The following CNTNAP2 variants were observed in gnomAD, a reference collection of about 807,000 sequenced individuals.
CNTNAP2 encodes contactin associated protein 2.
A neutral mutation model predicts 155.2 loss-of-function variants in CNTNAP2; 98 were observed. That is an observed-to-expected ratio of 0.63 (90% confidence interval 0.54 to 0.75). CNTNAP2 has a LOEUF of 0.75. CNTNAP2 is among the 30% of genes least tolerant of loss of function. The pLI, the probability that CNTNAP2 is intolerant of heterozygous loss-of-function variation, is 0.00. For missense variants in CNTNAP2, 1,727 were observed against 1,688.1 expected (o/e 1.02, Z -0.40); for synonymous variants, 651 against 631.2 (o/e 1.03, Z -0.47).
intron 1 of CNTNAP2, among the ~76,000 whole-genome samples, chr7:146,449,992 C>A (rs1184521586): frequency 6.6e-6 from 1 of 152,156 alleles, no homozygotes; most frequent in African/African-American, 2.4e-5. Context: ...CTATACAGAA[C>A]ACAATTTTAA....
At position 148,212,438 on chromosome 7, in the gene CNTNAP2, T is replaced by C. The variant is rs80304046; in HGVS notation, c.3011-4850T>C. Among the ~76,000 whole-genome samples, 723 of 152,300 alleles carry C rather than the reference T, an allele frequency of 4.7e-3. 24 individuals carry two copies. In the East Asian group the frequency reaches 0.1, roughly 21 times the overall value. ...ATGATATAATTAAGCAAATCCTTTT[T>C]ATATCATAGAATATCTAAATACAGA... is the stretch of plus-strand genomic sequence containing the variant. On this transcript the variant is annotated intron_variant, in intron 18 of 23. Transcript: ENST00000361727.
chr7:147,979,293 CT>C (rs1801483263), intron 15 of CNTNAP2, among the ~76,000 whole-genome samples: 1 of 151,802 alleles, frequency 6.6e-6, no homozygotes, highest in Admixed American at 6.6e-5. Flanking sequence ...CTTAGTAAAA[CT>C]GTGCAGAAGA....
At chr7:147,833,745 A>G (rs969799921) in intron 13 of CNTNAP2, among the ~76,000 whole-genome samples, 1 of 152,196 alleles carries the variant, frequency 6.6e-6, no homozygotes, top group Non-Finnish European at 1.5e-5. Flanking sequence ...AATCTCCCAC[A>G]GGAGTTTCTT....
At chr7:147,824,523 A>G (rs1037088966) in intron 13 of CNTNAP2, among the ~76,000 whole-genome samples, 3 of 152,174 alleles carry the variant, frequency 2.0e-5, no homozygotes, top group Non-Finnish European at 2.9e-5. Context: ...GGTACCTATC[A>G]TTAAATCTCA....
intron 14 of CNTNAP2, among the ~76,000 whole-genome samples, chr7:147,958,183 A>G (rs544343648): frequency 2.0e-5 from 2 of 98,900 alleles, no homozygotes; most frequent in African/African-American, 6.2e-5. Context: ...TTTGAATTAA[A>G]TTATCTAGAA....
At chr7:146,922,983 A>C (rs10270016) in intron 3 of CNTNAP2, among the ~76,000 whole-genome samples, 6,522 of 152,262 alleles carry the variant, frequency 0.043, 152 homozygotes, top group South Asian at 0.079. Context: ...ACATAAGGGA[A>C]AAATGTTTTC....
At chr7:147,398,212 T>A (rs1416109455) in intron 10 of CNTNAP2, among the ~76,000 whole-genome samples, 1 of 152,018 alleles carries the variant, frequency 6.6e-6, no homozygotes, top group Admixed American at 6.6e-5. Flanking sequence ...CAGTGATGTA[T>A]CCAGATAATC....
intron 1 of CNTNAP2, among the ~76,000 whole-genome samples, chr7:146,551,879 A>T (rs1798127933): frequency 6.6e-6 from 1 of 151,878 alleles, no homozygotes; most frequent in Non-Finnish European, 1.5e-5. Context: ...AGAGAACGAG[A>T]CTGCATTGAT....
intron 1 of CNTNAP2, among the ~76,000 whole-genome samples, chr7:146,455,577 A>G (rs1471389076): frequency 6.6e-6 from 1 of 152,206 alleles, no homozygotes; most frequent in Non-Finnish European, 1.5e-5. Context: ...TAGTTCTTCT[A>G]AGACCTTCTC....
chr7:147,992,713 A>G lies in CNTNAP2; in HGVS notation c.2383+14724A>G, dbSNP rs368098535. On this transcript the variant is annotated intron_variant, in intron 15 of 23. Transcript: ENST00000361727. ...GAATCTCTCACACTGTCTAAGGGTGAATAGAACAACTAGACTTGTAGAGGA... is the reference window on the plus strand; with the variant it reads ...GAATCTCTCACACTGTCTAAGGGTGGATAGAACAACTAGACTTGTAGAGGA... Among the ~76,000 whole-genome samples the G allele has an allele frequency of 1.4e-4, 21 of 152,342 alleles. No individual in the cohort carries two copies. In the East Asian group the frequency reaches 3.9e-3, roughly 28 times the overall value.
chr7:148,343,981 C>A (rs1337771403), intron 21 of CNTNAP2, among the ~76,000 whole-genome samples: 3 of 152,142 alleles, frequency 2.0e-5, no homozygotes, highest in Non-Finnish European at 4.4e-5. Flanking sequence ...CTGCATGTAG[C>A]CTGAGGGCTC....
At chr7:147,314,842 GA>G (rs1457971778) in intron 9 of CNTNAP2, among the ~76,000 whole-genome samples, 1 of 151,024 alleles carries the variant, frequency 6.6e-6, no homozygotes, top group East Asian at 1.9e-4. Flanking sequence ...GTTATATGTA[GA>G]AAAAAATGTT....
chr7:148,410,217 A>T (rs904332293), intron 23 of CNTNAP2, among the ~76,000 whole-genome samples: 1 of 151,832 alleles, frequency 6.6e-6, no homozygotes, highest in African/African-American at 2.4e-5. Context: ...TCCCCCTCGG[A>T]TATTTTTCAG....
intron 21 of CNTNAP2, among the ~76,000 whole-genome samples, chr7:148,301,734 G>C (rs1797395108): frequency 6.6e-6 from 1 of 152,186 alleles, no homozygotes; most frequent in Non-Finnish European, 1.5e-5. Flanking sequence ...CAGTGGGATG[G>C]CCTTAACAAA....
intron 1 of CNTNAP2, among the ~76,000 whole-genome samples, chr7:146,159,203 C>T (rs994441839): frequency 1.3e-5 from 2 of 152,172 alleles, no homozygotes; most frequent in African/African-American, 2.4e-5. Context: ...GAGACTTTGT[C>T]ACCACCAGGC....
At chr7:147,224,602 A>G (rs1428443808) in intron 8 of CNTNAP2, among the ~76,000 whole-genome samples, 2 of 152,216 alleles carry the variant, frequency 1.3e-5, no homozygotes. Flanking sequence ...AATATTATTA[A>G]GAAACCTTTA....
chr7:147,930,028 A>G (rs572770679), intron 14 of CNTNAP2, among the ~76,000 whole-genome samples: 52 of 151,988 alleles, frequency 3.4e-4, no homozygotes, highest in Non-Finnish European at 6.8e-4. Context: ...CGCCCGCCTC[A>G]CCTCCTGCTG....
chr7:146,190,422 A>C (rs1798685918), intron 1 of CNTNAP2, among the ~76,000 whole-genome samples: 2 of 152,270 alleles, frequency 1.3e-5, no homozygotes. Flanking sequence ...CCTTTTTATC[A>C]GTGTCTGTGA....
chr7:148,277,638 CA>C (rs1388407914), intron 21 of CNTNAP2, among the ~76,000 whole-genome samples: 2 of 151,836 alleles, frequency 1.3e-5, no homozygotes, highest in African/African-American at 2.4e-5. Context: ...CCCAGAGCCC[CA>C]GACTGGGAAG....
Sources: allele counts gnomAD v4.1 joint callset (sites outside exome capture counted in the v4.1 genomes callset), GRCh38; gene constraint gnomAD v4.1.1; transcripts MANE v1.5; gene names NCBI Gene and HGNC (gene_info 2026-07-23, HGNC 2026-07-21).